Variants in DNA2 observed in about 807,000 individuals in gnomAD.
The protein encoded by DNA2 is DNA replication helicase/nuclease 2, also known as DNA replication ATP-dependent helicase/nuclease DNA2.
In DNA2, 101 loss-of-function variants were observed where a neutral mutation model predicts 119.1. The ratio of observed to expected loss-of-function variants is 0.85; its 90% CI spans 0.72 to 1.00. DNA2 has a LOEUF of 1.00. DNA2 is among the 50% of genes least tolerant of loss of function. The pLI is 0.00. For missense variants in DNA2, 1,121 were observed against 1,255.5 expected (o/e 0.89, Z 1.62); for synonymous variants, 366 against 424.4 (o/e 0.86, Z 1.69).
Position 68,450,089 on chromosome 10 carries a change from T to A in DNA2, c.878A>T (p.Lys293Met), listed in dbSNP as rs766246836. The A allele has an allele frequency of 2.5e-6, 4 of 1,603,194 alleles. No individual in the cohort carries two copies. The highest frequency in any genetic ancestry group is 3.4e-6 in the Non-Finnish European group (4 of 1,174,002). ...KIHRGYKTKY[K>M]IMPLELKTGK... ...AGTTTTAAGTTCCAGCGGCATTATC[T>A]TGTATTTTGTTTTATACCCTCGATG... Residue 293 changes from lysine to methionine, a missense_variant, in exon 6 of 21, where the codon AAG becomes ATG. Coordinates refer to ENST00000358410, the MANE Select transcript of DNA2 (RefSeq NM_001080449.3).
chr10:68,437,540 C>T (rs773594853), intron 9 of DNA2, among the ~76,000 whole-genome samples: 1 of 151,852 alleles, frequency 6.6e-6, no homozygotes, highest in East Asian at 1.9e-4. Context: ...ATCCCAGCTA[C>T]TCAGGAGGCT....
At chr10:68,461,315 CAT>C (rs1345737222) in intron 4 of DNA2, 1 of 152,114 alleles carries the variant, frequency 6.6e-6, no homozygotes, top group East Asian at 1.9e-4. Flanking sequence ...TGACATAAAA[CAT>C]AGAAATATTT....
intron 4 of DNA2, among the ~76,000 whole-genome samples, chr10:68,462,834 T>C (rs2052276709): frequency 6.6e-6 from 1 of 152,116 alleles, no homozygotes; most frequent in African/African-American, 2.4e-5. Context: ...TGGTAAGCCC[T>C]CATTAAAGTA....
Position 68,431,860 on chromosome 10 carries a change from A to T in DNA2, c.1983+2T>A, listed in dbSNP as rs1463736106. ...CTCTAAGCAGAAGAATAATAACCTT[A>T]CGAGAGTACATATCGTAGTTGTTTT... On this transcript the variant is annotated splice_donor_variant, in intron 13 of 20. Transcript: ENST00000358410. LOFTEE classifies it high-confidence loss of function. 1.3e-6 allele frequency: 2 copies of T among 1,595,150 alleles called. No individual in the cohort carries two copies. The highest frequency in any genetic ancestry group is 8.6e-7 in the Non-Finnish European group (1 of 1,163,844).
chr10:68,417,652 C>CA (rs575627007), intron 19 of DNA2, among the ~76,000 whole-genome samples: 48,858 of 113,266 alleles, frequency 0.43, 10,675 homozygotes, highest in East Asian at 0.6. Flanking sequence ...GATCTCATCT[C>CA]AAAAAAAAAA....
In DNA2 at chr10:68,419,062, G is replaced by C; in HGVS notation, c.2939C>G (p.Ser980Cys). The change falls in exon 19 of 21, where the codon TCT becomes TGT. Residue 980 changes from serine to cysteine, a missense_variant. Transcript: ENST00000358410. ...QGRDKSIVLV[S>C]FVRSNKDGTV... ...TCCATCCTTATTACTTCTAACAAAA[G>C]ATACTAGGACAATACTTTTGTCCCT... 1 of 1,605,462 alleles carries C rather than the reference G, an allele frequency of 6.2e-7. No homozygotes were observed. The highest frequency in any genetic ancestry group is 8.5e-7 in the Non-Finnish European group (1 of 1,177,306).
intron 14 of DNA2, among the ~76,000 whole-genome samples, chr10:68,427,650 AACACAC>A (rs151180015): frequency 2.1e-4 from 30 of 140,242 alleles, no homozygotes; most frequent in Non-Finnish European, 3.9e-4. Context: ...CCTTGTCTCA[AACACAC>A]ACACACACAC....
chr10:68,427,694 A>T (rs1215644238), intron 14 of DNA2, among the ~76,000 whole-genome samples: 1 of 126,998 alleles, frequency 7.9e-6, no homozygotes, highest in African/African-American at 3.0e-5. Flanking sequence ...TTAACTGGGT[A>T]AATGCAAATT....
Position 68,465,546 on chromosome 10 carries a change from T to C in DNA2, c.587+121A>G, listed in dbSNP as rs142538172. 7.7e-4 allele frequency: 617 copies of C among 802,032 alleles called. 2 individuals carry two copies. The African/African-American group carries it at 9.4e-3, about 12-fold the overall frequency. 49.7% of individuals were successfully genotyped at this position (802,032 alleles called of 1,614,324 possible). A position where few individuals can be genotyped will look rare whatever the true frequency, so the allele number is the denominator to read the frequency against. ...GAGTTCCAACAATGTACTAGAACTA[T>C]GAAATCTGCATTTTAGATTACACTA... is the stretch of plus-strand genomic sequence containing the variant. On this transcript the variant is annotated intron_variant, in intron 4 of 20. Transcript: ENST00000358410.
At chr10:68,416,225 T>C (rs1404931746) in intron 20 of DNA2, among the ~76,000 whole-genome samples, 1 of 152,034 alleles carries the variant, frequency 6.6e-6, no homozygotes, top group East Asian at 1.9e-4. Flanking sequence ...CCCAGCACTT[T>C]GGGAGGAGGC....
At position 68,464,849 on chromosome 10, in the gene DNA2, A is replaced by C. The variant is rs763691106; in HGVS notation, c.587+818T>G. Reference sequence around the variant, plus strand: ...CACCTCAAAAAAAAAAAAAAAAAAAAAAAAAAAAACTGGTAAGGCAGGCCA... The same window carrying C: ...CACCTCAAAAAAAAAAAAAAAAAAACAAAAAAAAACTGGTAAGGCAGGCCA... On this transcript the variant is annotated intron_variant, in intron 4 of 20. Coordinates refer to ENST00000358410, the MANE Select transcript of DNA2 (RefSeq NM_001080449.3). Among the ~76,000 whole-genome samples the C allele has an allele frequency of 3.5e-3, 523 of 149,766 alleles. 3 individuals are homozygous for C. The highest frequency in any genetic ancestry group is 6.4e-3 in the Non-Finnish European group (432 of 67,236).
In DNA2 at chr10:68,422,871, C is replaced by A. The variant is rs774443976; in HGVS notation, c.2228G>T (p.Cys743Phe). The A allele has an allele frequency of 6.3e-7, 1 of 1,580,466 alleles. No individual in the cohort carries two copies. The highest frequency in any genetic ancestry group is 8.6e-7 in the Non-Finnish European group (1 of 1,168,008). Residue 743 changes from cysteine (C) to phenylalanine (F), a missense_variant, in exon 15 of 21, where the codon TGT (cysteine) becomes TTT (phenylalanine). Transcript: ENST00000358410. ...AAATATTGGATGGTTTATTCCCATA[C>A]ATGTTGTTGCAACTATAAGCTAAAA... is the stretch of plus-strand genomic sequence containing the variant. The part of the protein sequence containing the change: ...YNSQLIVATT[C>F]MGINHPIFSR...
intron 1 of DNA2, among the ~76,000 whole-genome samples, chr10:68,471,499 T>C (rs1039539845): frequency 6.6e-6 from 1 of 152,156 alleles, no homozygotes; most frequent in African/African-American, 2.4e-5. Flanking sequence ...TGCAATTTCC[T>C]ATTATAAAAA....
At position 68,446,290 on chromosome 10, in the gene DNA2, C is replaced by G; in HGVS notation, c.1057+6G>C. Reference sequence around the variant, plus strand: ...AGAAGTAAAACTAAAAAAAAAACGGCTCAACCTCTTTTATCTAGATGGTTG... The same window carrying G: ...AGAAGTAAAACTAAAAAAAAAACGGGTCAACCTCTTTTATCTAGATGGTTG... On this transcript the variant is annotated splice_donor_region_variant and intron_variant, in intron 7 of 20. Transcript: ENST00000358410. The G allele has an allele frequency of 6.5e-7, 1 of 1,530,780 alleles. No homozygotes were observed. The highest frequency in any genetic ancestry group is 8.8e-7 in the Non-Finnish European group (1 of 1,131,480). 94.8% of individuals were successfully genotyped at this position (1,530,780 alleles called of 1,614,324 possible).
intron 9 of DNA2, among the ~76,000 whole-genome samples, chr10:68,441,538 G>C (rs947516441): frequency 6.6e-6 from 1 of 152,050 alleles, no homozygotes; most frequent in African/African-American, 2.4e-5. Context: ...ATCACTTTGG[G>C]AGGCTGAGGT....
chr10:68,470,716 T>C (rs1250260152), intron 1 of DNA2: 2 of 344,952 alleles, frequency 5.8e-6, no homozygotes, highest in Non-Finnish European at 1.1e-5. Flanking sequence ...AGGAGATGTT[T>C]TGGACACGAT....
chr10:68,437,379 T>A, intron 9 of DNA2, 138 bp from the exon 10 acceptor site: 2 of 724,844 alleles, frequency 2.8e-6, no homozygotes, highest in Non-Finnish European at 4.4e-6. Flanking sequence ...CTCACGCCTG[T>A]AATCCCAACA....
intron 14 of DNA2, 59 bp from the exon 15 acceptor site, chr10:68,422,949 C>A (rs1303759169): frequency 5.4e-6 from 7 of 1,298,336 alleles, no homozygotes; most frequent in Non-Finnish European, 3.1e-6. Context: ...AGTTTTGTTT[C>A]TCTCATTTTT....
chr10:68,460,955 C>T (rs1270007541), intron 4 of DNA2, among the ~76,000 whole-genome samples: 1 of 151,250 alleles, frequency 6.6e-6, no homozygotes, highest in East Asian at 1.9e-4. Flanking sequence ...GACATGACAT[C>T]AAATTTCAGA....
Sources: allele counts gnomAD v4.1 joint callset (sites outside exome capture counted in the v4.1 genomes callset), GRCh38; gene constraint gnomAD v4.1.1; transcripts MANE v1.5; gene names NCBI Gene and HGNC (gene_info 2026-07-23, HGNC 2026-07-21).